Variants in PRKG1 observed in about 807,000 individuals in gnomAD.
PRKG1 encodes the protein protein kinase cGMP-dependent 1, also known as cGMP-dependent protein kinase 1.
PRKG1 carries 35 observed loss-of-function variants against 88.1 expected under a neutral mutation model. The observed-to-expected ratio is 0.40, with a 90% CI of 0.30 to 0.53. The LOEUF is 0.53. Ranked by LOEUF, PRKG1 falls within the 20% of genes least tolerant of loss-of-function variation. The probability of loss-of-function intolerance (pLI) is 0.59; values close to 1 mark genes in which losing one functional copy is unlikely to be tolerated. For missense variants in PRKG1, 540 were observed against 839.8 expected (o/e 0.64, Z 4.41); for synonymous variants, 303 against 292.5 (o/e 1.04, Z -0.37).
chr10:51,891,546 C>A (rs1240738628), intron 4 of PRKG1, among the ~76,000 whole-genome samples: 1 of 152,134 alleles, frequency 6.6e-6, no homozygotes, highest in Non-Finnish European at 1.5e-5. Context: ...AAAATTATGT[C>A]ATTCAACAAA....
intron 3 of PRKG1, among the ~76,000 whole-genome samples, chr10:51,764,944 G>T (rs1434505657): frequency 6.6e-6 from 1 of 152,172 alleles, no homozygotes; most frequent in Non-Finnish European, 1.5e-5. Flanking sequence ...CCAGAAAGTG[G>T]ACACTCACCA....
At chr10:52,218,577 G>A (rs1357671565) in intron 9 of PRKG1, among the ~76,000 whole-genome samples, 2 of 152,134 alleles carry the variant, frequency 1.3e-5, no homozygotes, top group African/African-American at 4.8e-5. Flanking sequence ...AGCCAAGGCA[G>A]TATTCTCCAA....
At chr10:51,023,627 A>G (rs1343407919) in intron 1 of PRKG1, among the ~76,000 whole-genome samples, 1 of 152,188 alleles carries the variant, frequency 6.6e-6, no homozygotes, top group African/African-American at 2.4e-5. Flanking sequence ...GTATTTGTTT[A>G]AATTAATCAC....
At chr10:51,546,542 T>C (rs1438316511) in intron 3 of PRKG1, among the ~76,000 whole-genome samples, 1 of 152,136 alleles carries the variant, frequency 6.6e-6, no homozygotes, top group Non-Finnish European at 1.5e-5. Context: ...CAAGCCTGTA[T>C]ATGCTACAAA....
At chr10:51,202,811 G>T (rs998857696) in intron 2 of PRKG1, among the ~76,000 whole-genome samples, 1 of 152,198 alleles carries the variant, frequency 6.6e-6, no homozygotes, top group Admixed American at 6.5e-5. Flanking sequence ...AATGTGGCAT[G>T]CCTTGAAAGC....
intron 4 of PRKG1, among the ~76,000 whole-genome samples, chr10:51,876,504 T>C (rs1057108484): frequency 3.3e-5 from 5 of 152,226 alleles, no homozygotes; most frequent in Non-Finnish European, 7.3e-5. Context: ...TTGTGGGGTT[T>C]ATATTTGTTT....
intron 3 of PRKG1, among the ~76,000 whole-genome samples, chr10:51,477,789 A>G (rs143388867): frequency 2.0e-5 from 3 of 152,056 alleles, no homozygotes; most frequent in Non-Finnish European, 4.4e-5. Context: ...CCATAGATAC[A>G]GAAGTATAAG....
chr10:51,778,359 T>C (rs541864981), intron 3 of PRKG1, among the ~76,000 whole-genome samples: 19 of 152,230 alleles, frequency 1.2e-4, no homozygotes, highest in African/African-American at 4.3e-4. Flanking sequence ...GGCAAATTAT[T>C]TGAAGATGCC....
At chr10:51,058,203 G>A (rs974608602) in intron 1 of PRKG1, among the ~76,000 whole-genome samples, 1 of 152,050 alleles carries the variant, frequency 6.6e-6, no homozygotes, top group Admixed American at 6.6e-5. Flanking sequence ...TGTGTGTCTT[G>A]ACTTATGAGT....
At chr10:51,106,808 C>T (rs1844847312) in intron 1 of PRKG1, among the ~76,000 whole-genome samples, 4 of 152,136 alleles carry the variant, frequency 2.6e-5, no homozygotes, top group Non-Finnish European at 5.9e-5. Flanking sequence ...TTTCATAGTG[C>T]CTGGACATTC....
At chr10:51,946,015 TG>T (rs1280998570) in intron 5 of PRKG1, among the ~76,000 whole-genome samples, 1 of 151,798 alleles carries the variant, frequency 6.6e-6, no homozygotes, top group Admixed American at 6.6e-5. Context: ...CTTGCTAGAT[TG>T]GGGAAGTTCT....
chr10:51,504,206 G>A (rs1841124770), intron 3 of PRKG1, among the ~76,000 whole-genome samples: 1 of 152,104 alleles, frequency 6.6e-6, no homozygotes, highest in Non-Finnish European at 1.5e-5. Flanking sequence ...CAAAGAATCT[G>A]ATTAACTGGC....
chr10:51,534,392 G>T (rs1348418842), intron 3 of PRKG1, among the ~76,000 whole-genome samples: 2 of 152,100 alleles, frequency 1.3e-5, no homozygotes. Flanking sequence ...CTCTGGGCTG[G>T]GCGCGGTGGC....
At chr10:52,285,035 T>C (rs1218558484) in intron 14 of PRKG1, among the ~76,000 whole-genome samples, 1 of 151,990 alleles carries the variant, frequency 6.6e-6, no homozygotes. Flanking sequence ...ACTTTCCCTG[T>C]TCTATTCTTC....
chr10:51,553,990 G>A lies in PRKG1; in HGVS notation c.592+86154G>A, dbSNP rs182339130. Among the ~76,000 whole-genome samples, 203 of 141,464 alleles carry A rather than the reference G, an allele frequency of 1.4e-3. 19 individuals are homozygous for A. The highest frequency in any genetic ancestry group is 2.4e-3 in the Non-Finnish European group (157 of 65,032). The allele number at this position is 141,464 out of a possible 152,430, so 92.8% of individuals were successfully genotyped here. On this transcript the variant is annotated intron_variant, in intron 3 of 17. Coordinates refer to ENST00000373980, the MANE Select transcript of PRKG1 (RefSeq NM_006258.4). ...TTAGATACGTGCATATTATATATGC[G>A]TATGTGATACGTGCATATTATATGT...
At chr10:51,174,206 C>A (rs957397640) in intron 2 of PRKG1, among the ~76,000 whole-genome samples, 1 of 151,690 alleles carries the variant, frequency 6.6e-6, no homozygotes, top group Admixed American at 6.6e-5. Context: ...TATATTTTTT[C>A]AATTAAGAAA....
At chr10:51,325,033 C>G (rs555291466) in intron 2 of PRKG1, among the ~76,000 whole-genome samples, 13 of 152,308 alleles carry the variant, frequency 8.5e-5, no homozygotes, top group African/African-American at 3.1e-4. Context: ...TACATCCTCT[C>G]CAGTACTTGT....
At chr10:51,819,280 A>G (rs1839681623) in intron 4 of PRKG1, among the ~76,000 whole-genome samples, 1 of 151,902 alleles carries the variant, frequency 6.6e-6, no homozygotes, top group Non-Finnish European at 1.5e-5. Context: ...ACCAGCTTTC[A>G]CAGGAACTAA....
intron 9 of PRKG1, among the ~76,000 whole-genome samples, chr10:52,248,749 CT>C (rs1841088680): frequency 6.6e-6 from 1 of 151,346 alleles, no homozygotes; most frequent in Non-Finnish European, 1.5e-5. Flanking sequence ...TAATTAAATA[CT>C]ATCAGTAATT....
Sources: gnomAD v4.1 joint callset for allele counts (sites outside exome capture counted in the v4.1 genomes callset) on GRCh38, gnomAD v4.1.1 for gene constraint, MANE v1.5 for transcripts, NCBI Gene and HGNC (gene_info 2026-07-23, HGNC 2026-07-21) for gene names.